The following LATS2 variants were observed in gnomAD, a reference collection of about 807,000 sequenced individuals.
LATS2 encodes the protein serine/threonine-protein kinase LATS2.
A neutral mutation model predicts 76.0 loss-of-function variants in LATS2; 24 were observed. The observed-to-expected ratio is 0.32, with a 90% CI of 0.23 to 0.44. The LOEUF is 0.44. Among genes scored for constraint, LATS2 ranks in the 20% least tolerant of loss-of-function variants. The pLI is 1.00. For synonymous variants in LATS2, 692 were observed against 635.4 expected (o/e 1.09, Z -1.34); for missense variants, 1,286 against 1,481.2 (o/e 0.87, Z 2.16).
intron 2 of LATS2, among the ~76,000 whole-genome samples, chr13:21,026,068 A>G (rs1420203555): frequency 6.6e-6 from 1 of 152,206 alleles, no homozygotes; most frequent in East Asian, 1.9e-4. Flanking sequence ...CCATGAAATC[A>G]ACACCAATCC....
At chr13:20,984,006 C>T (rs1464761500) in intron 4 of LATS2, among the ~76,000 whole-genome samples, 200 bp from the exon 5 acceptor site, 4 of 152,242 alleles carry the variant, frequency 2.6e-5, no homozygotes, top group Non-Finnish European at 5.9e-5. Flanking sequence ...TCTCAGCTCA[C>T]TGCAGCCTCC....
At chr13:21,024,553 C>T (rs11616347) in intron 2 of LATS2, among the ~76,000 whole-genome samples, 6,568 of 151,912 alleles carry the variant, frequency 0.043, 188 homozygotes, top group Non-Finnish European at 0.065. Context: ...TGAGTATGGC[C>T]CTGCGGGAGC....
chr13:21,039,329 G>A (rs1872788478), intron 2 of LATS2, among the ~76,000 whole-genome samples: 1 of 152,150 alleles, frequency 6.6e-6, no homozygotes, highest in African/African-American at 2.4e-5. Flanking sequence ...GTGAGAAAGA[G>A]GAAATGTACA....
intron 2 of LATS2, among the ~76,000 whole-genome samples, chr13:21,038,909 G>A (rs1366489640): frequency 2.0e-5 from 3 of 152,178 alleles, no homozygotes; most frequent in Non-Finnish European, 4.4e-5. Context: ...GAACCCGCGA[G>A]GCGGAGGTTG....
chr13:21,044,687 GGGGTGTGT>G (rs1872996797), intron 2 of LATS2, among the ~76,000 whole-genome samples: 2 of 125,312 alleles, frequency 1.6e-5, no homozygotes, highest in Non-Finnish European at 3.2e-5. Flanking sequence ...ATGAGGTGTA[GGGGTGTGT>G]GTGTGTGTGT....
intron 1 of LATS2, among the ~76,000 whole-genome samples, chr13:21,047,902 G>T (rs1223209339): frequency 6.6e-6 from 1 of 152,164 alleles, no homozygotes; most frequent in African/African-American, 2.4e-5. Context: ...CAATGTAATT[G>T]TGAGAAGATT....
intron 1 of LATS2, among the ~76,000 whole-genome samples, chr13:21,047,027 A>G (rs146529403): frequency 2.3e-3 from 348 of 152,270 alleles, no homozygotes; most frequent in African/African-American, 7.8e-3. Flanking sequence ...GGTAAGAGTT[A>G]TTACTACAGA....
At chr13:21,021,449 C>CGGG (rs1291710402) in intron 2 of LATS2, among the ~76,000 whole-genome samples, 1 of 114,840 alleles carries the variant, frequency 8.7e-6, no homozygotes, top group African/African-American at 3.3e-5. Context: ...CTCCAGAGCC[C>CGGG]GGGCAGCAGA....
At chr13:20,987,783 G>T in intron 4 of LATS2, 98 bp downstream of exon 4, 1 of 1,372,912 alleles carries the variant, frequency 7.3e-7, no homozygotes, top group Non-Finnish European at 1.0e-6. Flanking sequence ...TGATGATAAG[G>T]GGTATACAGT....
rs147038091 is a variant in LATS2 at position 21,002,506 on chromosome 13, T to C, written c.343-11102A>G. On this transcript the variant is annotated intron_variant, in intron 2 of 7. Transcript: ENST00000382592. ...TCTCCCACTTCAGCCTCCAGAGTAG[T>C]TGGGACTACAGGTGCGTTACCACCA... 7.7e-3 allele frequency among the ~76,000 whole-genome samples: 1,168 copies of C among 151,788 alleles called. 12 individuals carry two copies. The highest frequency in any genetic ancestry group is 9.0e-3 in the Non-Finnish European group (609 of 67,924).
chr13:20,991,169 T>C lies in LATS2; in HGVS notation c.475+103A>G. 7.2e-7 allele frequency: 1 copy of C among 1,384,662 alleles called. No individual in the cohort carries two copies. Among genetic ancestry groups the C allele is most frequent in the Non-Finnish European group, 1.0e-6 (1 of 997,394 alleles). The allele number at this position is 1,384,662 out of a possible 1,614,324, so 85.8% of individuals were successfully genotyped here. ...TGAATGAGGCAATGTGCCAGGAGAC[T>C]GGCTCTGGCCAGGCCAGGCCAGGTT... On this transcript the variant is annotated intron_variant, in intron 3 of 7. Coordinates refer to ENST00000382592, the MANE Select transcript of LATS2 (RefSeq NM_014572.3). This position sits in a 1 kb window ranked among gnomAD's most constrained non-coding sequence, Gnocchi z 4.9.
At chr13:20,979,575 C>G in intron 7 of LATS2, 116 bp downstream of exon 7, 1 of 462,372 alleles carries the variant, frequency 2.2e-6, no homozygotes, top group Non-Finnish European at 3.9e-6. Context: ...CCATCCTATA[C>G]AACTGCCATT....
rs1206352020 is a variant in LATS2 at position 21,047,933 on chromosome 13, A to G, written c.-204-1703T>C. 3.9e-5 allele frequency among the ~76,000 whole-genome samples: 6 copies of G among 152,178 alleles called. No individual in the cohort carries two copies. In the East Asian group the frequency reaches 5.8e-4, roughly 15 times the overall value. The stretch of plus-strand genomic sequence containing the variant: ...AGATTCCATTTAGAAGATAAGAGAG[A>G]GACTAAATAAATTTCTCAACATGAA... On this transcript the variant is annotated intron_variant, in intron 1 of 7. Transcript: ENST00000382592.
chr13:20,991,203 C>T lies in LATS2; in HGVS notation c.475+69G>A. On this transcript the variant is annotated intron_variant, in intron 3 of 7. Transcript: ENST00000382592. This position sits in a 1 kb window ranked among gnomAD's most constrained non-coding sequence, Gnocchi z 4.9. ...CCAGGCCAGGCCAGGTTGGACCCCT[C>T]TGCACGTGGTTTTGTTGTCCTTAAG... 1 of 1,594,666 alleles carries T rather than the reference C, an allele frequency of 6.3e-7. No individual in the cohort carries two copies.
intron 2 of LATS2, among the ~76,000 whole-genome samples, chr13:21,032,209 G>A (rs780495505): frequency 6.6e-6 from 1 of 152,182 alleles, no homozygotes; most frequent in Non-Finnish European, 1.5e-5. Context: ...GCTATGTGCT[G>A]CAATTTGACT....
At chr13:21,059,654 T>C (rs1873561513) in intron 1 of LATS2, among the ~76,000 whole-genome samples, 1 of 150,574 alleles carries the variant, frequency 6.6e-6, no homozygotes, top group African/African-American at 2.4e-5. Context: ...AGCGTGAAAA[T>C]GTAAAAGTTC....
intron 5 of LATS2, 88 bp from the exon 6 acceptor site, chr13:20,981,736 T>G: frequency 1.8e-6 from 2 of 1,123,948 alleles, no homozygotes; most frequent in South Asian, 3.2e-5. Flanking sequence ...ATCCACAGCT[T>G]AAAACAGCAA....
chr13:20,989,252 G>A lies in LATS2; in HGVS notation c.528C>T (p.Thr176=), dbSNP rs2138292113. 2 of 1,613,986 alleles carry A rather than the reference G, an allele frequency of 1.2e-6. No individual in the cohort carries two copies. The highest frequency in any genetic ancestry group is 2.2e-5 in the East Asian group (1 of 44,882). ...GGTGGTAGGACGCAAACGAATCGCC[G>A]GTTCCTTCGAAGCTGGGCCTCCGCG... ...PVTRRPSFEG[T]GDSFASYHQL... Residue 176 remains threonine, a synonymous_variant, in exon 4 of 8, where the codon ACC becomes ACT. Coordinates refer to ENST00000382592, the MANE Select transcript of LATS2 (RefSeq NM_014572.3).
intron 2 of LATS2, among the ~76,000 whole-genome samples, chr13:21,044,672 T>A (rs1872995825): frequency 6.6e-6 from 1 of 150,382 alleles, no homozygotes; most frequent in African/African-American, 2.5e-5. Context: ...CATAAATGTA[T>A]GGCTATGAGG....
Sources: allele counts gnomAD v4.1 joint callset (sites outside exome capture counted in the v4.1 genomes callset), GRCh38; gene constraint gnomAD v4.1.1; non-coding constraint Gnocchi (gnomAD v3.1); transcripts MANE v1.5; gene names NCBI Gene and HGNC (gene_info 2026-07-23, HGNC 2026-07-21).